The following LARGE1 variants were observed in gnomAD, a reference collection of about 807,000 sequenced individuals.
LARGE1 encodes the protein LARGE xylosyl- and glucuronyltransferase 1, also known as xylosyl- and glucuronyltransferase LARGE1.
A neutral mutation model predicts 87.6 loss-of-function variants in LARGE1; 43 were observed. That is an observed-to-expected ratio of 0.49 (90% confidence interval 0.38 to 0.63). The LOEUF (loss-of-function observed/expected upper bound fraction) is 0.63, where lower values mean the gene tolerates loss of function less well. Among genes scored for constraint, LARGE1 ranks in the 30% least tolerant of loss-of-function variants. The pLI is 0.00. For missense variants in LARGE1, 802 were observed against 1,000.2 expected, an observed-to-expected ratio of 0.80 and a Z score of 2.67; for synonymous variants, 434 against 394.6, an observed-to-expected ratio of 1.10 and a Z score of -1.18.
At chr22:33,391,206 T>C (rs1289341737) in intron 7 of LARGE1, among the ~76,000 whole-genome samples, 2 of 152,280 alleles carry the variant, frequency 1.3e-5, no homozygotes, top group East Asian at 1.9e-4. Context: ...TCGTCTATGA[T>C]TCATTTCAAA....
chr22:33,601,987 C>T (rs554700067), intron 5 of LARGE1, among the ~76,000 whole-genome samples: 36 of 152,210 alleles, frequency 2.4e-4, no homozygotes, highest in African/African-American at 7.0e-4. Context: ...GAGGGAATTC[C>T]AGTCCATGGT....
chr22:33,573,571 G>A (rs2078269048), intron 5 of LARGE1, among the ~76,000 whole-genome samples: 1 of 152,194 alleles, frequency 6.6e-6, no homozygotes. Context: ...AGGTACTGAG[G>A]AGGGCGAGGG....
At chr22:33,669,227 T>C (rs930531325) in intron 2 of LARGE1, among the ~76,000 whole-genome samples, 5 of 152,224 alleles carry the variant, frequency 3.3e-5, no homozygotes, top group African/African-American at 2.4e-5. Flanking sequence ...CAGGGCTGTT[T>C]TGAAAATGCA....
chr22:33,671,045 T>C (rs2081394118), intron 2 of LARGE1, among the ~76,000 whole-genome samples: 1 of 152,192 alleles, frequency 6.6e-6, no homozygotes, highest in South Asian at 2.1e-4. Flanking sequence ...CATAAAATAC[T>C]GTGATAGGAC....
chr22:33,166,811 T>C (rs924426892), exon 12 of LARGE1: 4 of 471,372 alleles, frequency 8.5e-6, no homozygotes, highest in Non-Finnish European at 1.8e-5. Context: ...TGATGGGAGA[T>C]AGGGTCTGGC....
chr22:33,765,856 C>T (rs918044294), intron 1 of LARGE1, among the ~76,000 whole-genome samples: 2 of 151,940 alleles, frequency 1.3e-5, no homozygotes, highest in African/African-American at 2.4e-5. Context: ...TCCTCTTTTC[C>T]TCTCTCCATC....
intron 11 of LARGE1, among the ~76,000 whole-genome samples, chr22:33,233,116 T>C (rs1926088646): frequency 6.6e-6 from 1 of 152,184 alleles, no homozygotes; most frequent in Admixed American, 6.5e-5. Flanking sequence ...AGGAGCTTGT[T>C]TTCTAAAGCA....
At chr22:33,812,587 G>A (rs963097487) in intron 1 of LARGE1, among the ~76,000 whole-genome samples, 17 of 152,136 alleles carry the variant, frequency 1.1e-4, no homozygotes, top group African/African-American at 3.1e-4. Context: ...TTGATCCGCC[G>A]GGTTGAAGGC....
At chr22:33,476,801 A>G (rs1443369302) in intron 6 of LARGE1, among the ~76,000 whole-genome samples, 1 of 152,106 alleles carries the variant, frequency 6.6e-6, no homozygotes, top group Non-Finnish European at 1.5e-5. Context: ...GGGCAGAAGC[A>G]GAGAAACTCA....
chr22:33,719,883 T>A (rs1601411629), intron 2 of LARGE1, among the ~76,000 whole-genome samples: 1 of 152,142 alleles, frequency 6.6e-6, no homozygotes, highest in East Asian at 1.9e-4. Context: ...TACCATTGTG[T>A]TACAATTGCC....
chr22:33,493,229 C>T (rs767952491), intron 6 of LARGE1, among the ~76,000 whole-genome samples: 5 of 144,752 alleles, frequency 3.5e-5, no homozygotes, highest in African/African-American at 1.0e-4. Flanking sequence ...GGTGCGATCT[C>T]GGCTCGCTGC....
At chr22:33,111,272 G>A in the LARGE1 span, among the ~76,000 whole-genome samples, 1 of 152,100 alleles carries the variant, frequency 6.6e-6, no homozygotes, top group East Asian at 1.9e-4. Flanking sequence ...CGCTTCCTTG[G>A]TGGATTTCCT....
chr22:33,291,133 A>C (rs1053511273), intron 12 of LARGE1, among the ~76,000 whole-genome samples: 5 of 152,188 alleles, frequency 3.3e-5, no homozygotes, highest in African/African-American at 9.7e-5. Flanking sequence ...AAAAGGATCC[A>C]TGTCACAACG....
chr22:33,264,889 C>CTTTTTTTT (rs200074908), intron 11 of LARGE1, among the ~76,000 whole-genome samples: 26 of 74,370 alleles, frequency 3.5e-4, no homozygotes, highest in East Asian at 9.7e-4. Context: ...TGATCAAATT[C>CTTTTTTTT]TTTTTTTTTT....
chr22:33,620,233 C>G (rs1317874073), intron 4 of LARGE1, among the ~76,000 whole-genome samples: 1 of 152,230 alleles, frequency 6.6e-6, no homozygotes, highest in South Asian at 2.1e-4. Flanking sequence ...CAGCTTCATC[C>G]TGCCAACAAG....
chr22:33,409,239 G>A (rs1245756237), intron 7 of LARGE1, among the ~76,000 whole-genome samples: 1 of 152,136 alleles, frequency 6.6e-6, no homozygotes, highest in South Asian at 2.1e-4. Context: ...GGACAAGGAG[G>A]GGCTATTGAA....
chr22:33,094,947 G>A, the LARGE1 span, among the ~76,000 whole-genome samples: 4 of 152,136 alleles, frequency 2.6e-5, no homozygotes, highest in East Asian at 1.9e-4. Flanking sequence ...TTGAACTCCC[G>A]ACCTCCAGTG....
chr22:33,355,411 T>C (rs759188047), intron 9 of LARGE1, among the ~76,000 whole-genome samples: 18 of 152,226 alleles, frequency 1.2e-4, no homozygotes, highest in Non-Finnish European at 2.2e-4. Context: ...CAACGGGCAC[T>C]CAATACTGGG....
At chr22:33,448,395 A>G (rs1429083541) in intron 6 of LARGE1, among the ~76,000 whole-genome samples, 2 of 152,240 alleles carry the variant, frequency 1.3e-5, no homozygotes, top group African/African-American at 4.8e-5. Context: ...CTTAGTATAT[A>G]CAATTTTATT....
Sources: allele counts gnomAD v4.1 joint callset (sites outside exome capture counted in the v4.1 genomes callset), GRCh38; gene constraint gnomAD v4.1.1; transcripts MANE v1.5; gene names NCBI Gene and HGNC (gene_info 2026-07-23, HGNC 2026-07-21).